Variants in MRPL42 observed in about 807,000 individuals in gnomAD.
The protein encoded by MRPL42 is mitochondrial ribosomal protein L42, also known as large ribosomal subunit protein mL42.
In MRPL42, 17 loss-of-function variants were observed where a neutral mutation model predicts 17.9. That is an observed-to-expected ratio of 0.95 (90% CI 0.65 to 1.42). The LOEUF (loss-of-function observed/expected upper bound fraction) is 1.42. MRPL42 is among the 40% of genes most tolerant of loss of function. The pLI is 0.00. For synonymous variants in MRPL42, 59 were observed against 54.4 expected (o/e 1.08, Z -0.37); for missense variants, 177 against 175.2 (o/e 1.01, Z -0.06).
intron 3 of MRPL42, among the ~76,000 whole-genome samples, chr12:93,478,744 G>T (rs1880308782): frequency 6.6e-6 from 1 of 152,040 alleles, no homozygotes; most frequent in Non-Finnish European, 1.5e-5. Flanking sequence ...TGAAACCACG[G>T]TGAAACAATC....
chr12:93,476,368 A>G (rs1022634351), intron 2 of MRPL42, among the ~76,000 whole-genome samples: 1 of 152,060 alleles, frequency 6.6e-6, no homozygotes, highest in Non-Finnish European at 1.5e-5. Context: ...AAGTTTCACC[A>G]TGTTAGTCAG....
At chr12:93,468,895 T>C (rs1248276005) in intron 1 of MRPL42, among the ~76,000 whole-genome samples, 1 of 152,174 alleles carries the variant, frequency 6.6e-6, no homozygotes, top group East Asian at 1.9e-4. Context: ...TGAGTGACTG[T>C]TTCAAGAGTA....
intron 5 of MRPL42, among the ~76,000 whole-genome samples, chr12:93,496,492 A>T (rs1198684497): frequency 6.6e-6 from 1 of 152,140 alleles, no homozygotes; most frequent in East Asian, 1.9e-4. Flanking sequence ...GACAGTAGAT[A>T]TTCAAAGTGA....
At chr12:93,472,772 G>A (rs1406920163) in intron 2 of MRPL42, among the ~76,000 whole-genome samples, 1 of 152,068 alleles carries the variant, frequency 6.6e-6, no homozygotes, top group Non-Finnish European at 1.5e-5. Context: ...AGTCAGCCCG[G>A]GAGTGTAGAA....
At chr12:93,471,901 C>T (rs969044047) in intron 2 of MRPL42, among the ~76,000 whole-genome samples, 2 of 152,158 alleles carry the variant, frequency 1.3e-5, no homozygotes, top group Non-Finnish European at 2.9e-5. Flanking sequence ...GAACCCAGCT[C>T]CTAGGCTAAT....
intron 2 of MRPL42, among the ~76,000 whole-genome samples, chr12:93,472,623 T>C (rs1342300210): frequency 6.6e-6 from 1 of 152,056 alleles, no homozygotes; most frequent in African/African-American, 2.4e-5. Context: ...ACTGTTATTA[T>C]TGATGTTTAA....
intron 4 of MRPL42, 127 bp from the exon 5 acceptor site, chr12:93,487,370 A>T: frequency 1.3e-6 from 1 of 765,710 alleles, no homozygotes; most frequent in Non-Finnish European, 2.0e-6. Context: ...TGTTTTGATA[A>T]CTTATTTGCC....
At position 93,512,514 on chromosome 12, in the gene MRPL42, C is replaced by T. The variant is rs1435020096; in HGVS notation, c.*11293C>T. 6.6e-6 allele frequency: 1 copy of T among 152,508 alleles called. No individual in the cohort carries two copies. Among genetic ancestry groups the T allele is most frequent in the Non-Finnish European group, 1.5e-5 (1 of 68,042 alleles). 9.4% of individuals were successfully genotyped at this position (152,508 alleles called of 1,614,324 possible). A position where few individuals can be genotyped will look rare whatever the true frequency, so the allele number is the denominator to read the frequency against. On this transcript the variant is annotated 3_prime_UTR_variant, in exon 6 of 6. Transcript: ENST00000549982. ...GGCCAGCTAGAGTTACCTGAAGTTA[C>T]TATCTTCAATTATCTGAAGACAGTT...
chr12:93,483,159 T>C (rs528277895), intron 4 of MRPL42, among the ~76,000 whole-genome samples: 1 of 152,322 alleles, frequency 6.6e-6, no homozygotes, highest in East Asian at 1.9e-4. Context: ...CCTCCCAAAG[T>C]GCTGGGATTA....
chr12:93,475,701 A>G (rs1250115094), intron 2 of MRPL42, among the ~76,000 whole-genome samples: 1 of 152,096 alleles, frequency 6.6e-6, no homozygotes, highest in African/African-American at 2.4e-5. Flanking sequence ...AAAGCAGTTT[A>G]TAGCTGAGCA....
In MRPL42 at chr12:93,487,635, A is replaced by AAGT; in HGVS notation, c.360_361insTAG (p.Lys120_His121insTer). 1 of 1,613,064 alleles carries AAGT rather than the reference A, an allele frequency of 6.2e-7. No homozygotes were observed. Among genetic ancestry groups the AAGT allele is most frequent in the Non-Finnish European group, 8.5e-7 (1 of 1,179,302 alleles). ...ACTTAGCAAAATGTTCTTTACTACT[A>AAGT]AGCACCGTTGGTATCCTCATGGACG... On this transcript the variant is annotated stop_gained and inframe_insertion, in exon 5 of 6. Transcript: ENST00000549982. LOFTEE classifies it high-confidence loss of function.
chr12:93,497,153 C>A (rs1045479965), intron 5 of MRPL42, among the ~76,000 whole-genome samples: 3 of 152,034 alleles, frequency 2.0e-5, no homozygotes, highest in Non-Finnish European at 2.9e-5. Context: ...AGAGCCAGTA[C>A]CAATCCTACT....
In MRPL42 at chr12:93,511,800, G is replaced by T; in HGVS notation, c.*10579G>T. On this transcript the variant is annotated 3_prime_UTR_variant, in exon 6 of 6. Coordinates refer to ENST00000549982, the MANE Select transcript of MRPL42 (RefSeq NM_014050.4). ...ATTAATGTGGTTTGAAGCTTTGTAG[G>T]AATCCAATTGGATGGATAGCAGCAG... is the stretch of plus-strand genomic sequence containing the variant. The T allele has an allele frequency of 6.6e-6, 1 of 152,184 alleles. No homozygotes were observed. Among genetic ancestry groups the T allele is most frequent in the Admixed American group, 6.5e-5 (1 of 15,272 alleles). 9.4% of individuals were successfully genotyped at this position (152,184 alleles called of 1,614,324 possible).
intron 2 of MRPL42, among the ~76,000 whole-genome samples, chr12:93,472,783 C>T (rs929368213): frequency 1.3e-5 from 2 of 152,140 alleles, no homozygotes; most frequent in Admixed American, 6.6e-5. Context: ...GAGTGTAGAA[C>T]ACTTCACAGT....
Position 93,486,338 on chromosome 12 carries a change from A to G in MRPL42, c.220-1159A>G, listed in dbSNP as rs894961454. ...TTTCTGCTTCCATTGGATGTAAGAA[A>G]TGTCATTTTCTTTCTTTTTTCTTTT... On this transcript the variant is annotated intron_variant, in intron 4 of 5. Transcript: ENST00000549982. Among the ~76,000 whole-genome samples the G allele has an allele frequency of 3.3e-5, 5 of 152,234 alleles. 1 individual carries two copies. The highest frequency in any genetic ancestry group is 1.9e-4 in the East Asian group (1 of 5,172).
Position 93,510,282 on chromosome 12 carries a change from C to A in MRPL42, c.*9061C>A, listed in dbSNP as rs1953714174. Reference sequence around the variant, plus strand: ...CTTTTCACAGTTTGATAGCTCATTTCTTTTTAGCATCGAGTAATACTCCAT... The same window carrying A: ...CTTTTCACAGTTTGATAGCTCATTTATTTTTAGCATCGAGTAATACTCCAT... On this transcript the variant is annotated 3_prime_UTR_variant, in exon 6 of 6. Coordinates refer to ENST00000549982, the MANE Select transcript of MRPL42 (RefSeq NM_014050.4). The A allele has an allele frequency of 6.6e-6, 1 of 152,104 alleles. No individual in the cohort carries two copies. Among genetic ancestry groups the A allele is most frequent in the Non-Finnish European group, 1.5e-5 (1 of 67,992 alleles). 9.4% of individuals were successfully genotyped at this position (152,104 alleles called of 1,614,324 possible).
At chr12:93,479,505 T>C in intron 4 of MRPL42, 33 bp downstream of exon 4, 1 of 1,469,802 alleles carries the variant, frequency 6.8e-7, no homozygotes, top group South Asian at 1.2e-5. Flanking sequence ...CAGTTTTTAA[T>C]TTGCTGTTAG....
At chr12:93,491,726 T>C (rs11833103) in intron 5 of MRPL42, among the ~76,000 whole-genome samples, 27,824 of 152,086 alleles carry the variant, frequency 0.18, 3,585 homozygotes, top group African/African-American at 0.36. Context: ...ACCCAGGCAG[T>C]GAGGTAGTGC....
Position 93,479,414 on chromosome 12 carries a change from A to G in MRPL42, c.161A>G (p.Asp54Gly). Residue 54 changes from aspartate to glycine, a missense_variant, in exon 4 of 6, where the codon GAT (aspartate) becomes GGT (glycine). Transcript: ENST00000549982. The stretch of plus-strand genomic sequence containing the variant: ...AACGTAGAGCTTGCTCTGACTTCTG[A>G]TGGCAGGACAATAGTATGCTACCAC... ...NCNVELALTS[D>G]GRTIVCYHPS... The G allele has an allele frequency of 1.2e-6, 2 of 1,611,482 alleles. No homozygotes were observed. Among genetic ancestry groups the G allele is most frequent in the African/African-American group, 2.7e-5 (2 of 74,850 alleles).
Sources: gnomAD v4.1 joint callset for allele counts (sites outside exome capture counted in the v4.1 genomes callset) on GRCh38, gnomAD v4.1.1 for gene constraint, MANE v1.5 for transcripts, NCBI Gene and HGNC (gene_info 2026-07-23, HGNC 2026-07-21) for gene names.